MEF2A: variants seen among roughly 807,000 people sequenced by gnomAD.
MEF2A encodes myocyte enhancer factor 2A.
In MEF2A, 28 loss-of-function variants were observed where a neutral mutation model predicts 55.8. That is an observed-to-expected ratio of 0.50 (90% confidence interval 0.37 to 0.69). MEF2A has a LOEUF of 0.69. Ranked by LOEUF, MEF2A falls within the 30% of genes least tolerant of loss-of-function variation. The pLI is 0.00. For synonymous variants in MEF2A, 239 were observed against 227.1 expected (o/e 1.05, Z -0.47); for missense variants, 528 against 626.2 (o/e 0.84, Z 1.67).
chr15:99,569,959 G>A (rs941080230), intron 1 of MEF2A, among the ~76,000 whole-genome samples: 3 of 151,636 alleles, frequency 2.0e-5, no homozygotes, highest in Non-Finnish European at 4.4e-5. Flanking sequence ...CTTACACATA[G>A]CACACGATAT....
intron 4 of MEF2A, among the ~76,000 whole-genome samples, chr15:99,654,582 G>C (rs1050928498): frequency 7.2e-5 from 6 of 83,108 alleles, no homozygotes; most frequent in Admixed American, 2.5e-4. Context: ...TAAAAAAAAA[G>C]GGGGGGGTAT....
At chr15:99,641,794 C>T (rs1052522498) in intron 3 of MEF2A, among the ~76,000 whole-genome samples, 2 of 152,152 alleles carry the variant, frequency 1.3e-5, no homozygotes, top group African/African-American at 4.8e-5. Context: ...CATCCCTGAC[C>T]CCGTACATTT....
chr15:99,692,124 A>G (rs991386102), intron 8 of MEF2A, among the ~76,000 whole-genome samples: 2 of 152,224 alleles, frequency 1.3e-5, no homozygotes, highest in African/African-American at 2.4e-5. Context: ...TCAGGCTTAG[A>G]TAATAATTCC....
intron 4 of MEF2A, 30 bp downstream of exon 4, chr15:99,645,794 C>T: frequency 1.4e-6 from 2 of 1,448,776 alleles, no homozygotes; most frequent in Non-Finnish European, 1.9e-6. Flanking sequence ...ACGTGAATTG[C>T]AAGTAATACT....
intron 1 of MEF2A, among the ~76,000 whole-genome samples, chr15:99,574,895 A>T (rs560660608): frequency 1.3e-5 from 2 of 152,222 alleles, no homozygotes; most frequent in Non-Finnish European, 2.9e-5. Flanking sequence ...TTCAGGTTAT[A>T]TACAGGGATA....
chr15:99,595,425 C>A (rs1970821124), intron 1 of MEF2A, among the ~76,000 whole-genome samples: 1 of 151,890 alleles, frequency 6.6e-6, no homozygotes, highest in East Asian at 1.9e-4. Flanking sequence ...ATTATATATT[C>A]CTTATTCACC....
intron 8 of MEF2A, among the ~76,000 whole-genome samples, chr15:99,697,398 G>A (rs1330079418): frequency 3.3e-5 from 5 of 151,666 alleles, no homozygotes; most frequent in Non-Finnish European, 7.4e-5. Flanking sequence ...AGGTTGCAGG[G>A]TACAAAGTTA....
chr15:99,621,891 CAG>C (rs2041246640), intron 2 of MEF2A, among the ~76,000 whole-genome samples: 1 of 152,026 alleles, frequency 6.6e-6, no homozygotes, highest in African/African-American at 2.4e-5. Flanking sequence ...GTTGATTGGC[CAG>C]AGTCATCAAA....
intron 3 of MEF2A, among the ~76,000 whole-genome samples, chr15:99,645,303 C>G (rs150717214): frequency 2.8e-4 from 43 of 152,308 alleles, no homozygotes; most frequent in African/African-American, 9.9e-4. Context: ...TGGTGCTTCA[C>G]CCTCTGTAGT....
At chr15:99,634,069 A>G (rs975734574) in intron 3 of MEF2A, among the ~76,000 whole-genome samples, 1 of 152,230 alleles carries the variant, frequency 6.6e-6, no homozygotes, top group African/African-American at 2.4e-5. Context: ...GAGAGATGCT[A>G]TCTCTGGGAA....
At position 99,716,171 on chromosome 15, in the gene MEF2A, A is replaced by C. The variant is rs1300779530; in HGVS notation, c.*3400A>C. On this transcript the variant is annotated 3_prime_UTR_variant, in exon 12 of 12. Transcript: ENST00000557942. ...GTGCAAGAAGACACTGCTTTGCTAT[A>C]TTTAAAATGGCTTTTTTAAAAGAGA... is the stretch of plus-strand genomic sequence containing the variant. The C allele has an allele frequency of 5.5e-6, 1 of 182,204 alleles. No individual in the cohort carries two copies. Among genetic ancestry groups the C allele is most frequent in the African/African-American group, 2.4e-5 (1 of 42,290 alleles). The allele number at this position is 182,204 out of a possible 1,614,324, so 11.3% of individuals were successfully genotyped here.
chr15:99,596,890 C>T (rs1445267273), intron 1 of MEF2A, among the ~76,000 whole-genome samples: 1 of 152,098 alleles, frequency 6.6e-6, no homozygotes, highest in Non-Finnish European at 1.5e-5. Context: ...GGCAGAAGAA[C>T]GTGGATTGTG....
chr15:99,574,770 C>T (rs1450277035), intron 1 of MEF2A, among the ~76,000 whole-genome samples: 1 of 152,188 alleles, frequency 6.6e-6, no homozygotes, highest in Non-Finnish European at 1.5e-5. Context: ...TCCTAACAGG[C>T]CATGGACTGG....
At chr15:99,591,713 T>A (rs575997287) in intron 1 of MEF2A, among the ~76,000 whole-genome samples, 18 of 152,302 alleles carry the variant, frequency 1.2e-4, no homozygotes, top group African/African-American at 4.3e-4. Flanking sequence ...TTTGCTCTTT[T>A]TGATGTTTTT....
chr15:99,588,332 C>T (rs934997732), intron 1 of MEF2A, among the ~76,000 whole-genome samples: 2 of 151,624 alleles, frequency 1.3e-5, no homozygotes, highest in African/African-American at 2.4e-5. Flanking sequence ...GAGAAGGAGT[C>T]TCACTGTTGC....
At chr15:99,610,690 A>G (rs941063358) in intron 2 of MEF2A, among the ~76,000 whole-genome samples, 13 of 152,092 alleles carry the variant, frequency 8.5e-5, no homozygotes, top group Non-Finnish European at 1.3e-4. Flanking sequence ...TTTTTTCACA[A>G]TGATGCCAAG....
chr15:99,691,165 A>G (rs2055380422), intron 8 of MEF2A, among the ~76,000 whole-genome samples: 1 of 147,684 alleles, frequency 6.8e-6, no homozygotes, highest in Non-Finnish European at 1.5e-5. Context: ...GAAGGAAGGA[A>G]GGAAGGAGAA....
At chr15:99,702,138 T>C (rs529909104) in intron 8 of MEF2A, among the ~76,000 whole-genome samples, 4 of 152,364 alleles carry the variant, frequency 2.6e-5, no homozygotes, top group African/African-American at 9.6e-5. Flanking sequence ...TGTAAAGATA[T>C]CTATAACAAA....
intron 8 of MEF2A, among the ~76,000 whole-genome samples, chr15:99,699,655 C>G (rs2057067075): frequency 6.6e-6 from 1 of 152,116 alleles, no homozygotes; most frequent in African/African-American, 2.4e-5. Context: ...GAAGCAAGAA[C>G]CTGGTCTAAG....
Sources: gnomAD v4.1 joint callset for allele counts (sites outside exome capture counted in the v4.1 genomes callset) on GRCh38, gnomAD v4.1.1 for gene constraint, MANE v1.5 for transcripts, NCBI Gene and HGNC (gene_info 2026-07-23, HGNC 2026-07-21) for gene names.